BFSP2: variants seen among roughly 807,000 people sequenced by gnomAD.
BFSP2 encodes the protein phakinin.
A neutral mutation model predicts 44.9 loss-of-function variants in BFSP2; 38 were observed. The ratio of observed to expected loss-of-function variants is 0.85; its 90% CI spans 0.65 to 1.11. The LOEUF is 1.11. Ranked by LOEUF, BFSP2 falls within the 50% of genes least tolerant of loss-of-function variation. BFSP2 has a pLI of 0.00. For synonymous variants in BFSP2, 197 were observed against 209.9 expected (o/e 0.94, Z 0.53); for missense variants, 525 against 533.0 (o/e 0.99, Z 0.15).
intron 1 of BFSP2, among the ~76,000 whole-genome samples, chr3:133,443,272 G>C (rs142237131): frequency 3.3e-4 from 51 of 152,282 alleles, no homozygotes; most frequent in Non-Finnish European, 5.7e-4. Context: ...TGAGCAGAAA[G>C]TTCTGAGATA....
intron 6 of BFSP2, among the ~76,000 whole-genome samples, chr3:133,473,306 T>C (rs1355894087): frequency 6.6e-6 from 1 of 152,092 alleles, no homozygotes; most frequent in African/African-American, 2.4e-5. Flanking sequence ...GCTCTTTTCA[T>C]CTTTCTAACA....
At chr3:133,464,754 T>C (rs1447123953) in intron 4 of BFSP2, among the ~76,000 whole-genome samples, 1 of 152,190 alleles carries the variant, frequency 6.6e-6, no homozygotes, top group East Asian at 1.9e-4. Flanking sequence ...AGTCATTATA[T>C]GATAATGAGT....
At chr3:133,432,581 ATCT>A (rs1349732717) in intron 1 of BFSP2, among the ~76,000 whole-genome samples, 3 of 152,054 alleles carry the variant, frequency 2.0e-5, no homozygotes, top group Non-Finnish European at 4.4e-5. Context: ...TATATTGATG[ATCT>A]TCTTCTTTGT....
At chr3:133,423,518 A>T (rs2073613594) in intron 1 of BFSP2, among the ~76,000 whole-genome samples, 1 of 120,572 alleles carries the variant, frequency 8.3e-6, no homozygotes, top group South Asian at 2.9e-4. Flanking sequence ...TGCCCAGCCA[A>T]CTTTTCCGTA....
At position 133,435,161 on chromosome 3, in the gene BFSP2, G is replaced by A. The variant is rs574304785; in HGVS notation, c.490-12156G>A. Among the ~76,000 whole-genome samples the A allele has an allele frequency of 4.7e-4, 71 of 152,298 alleles. 1 individual carries two copies. Among genetic ancestry groups the A allele is most frequent in the African/African-American group, 1.7e-3 (70 of 41,546 alleles). ...CTAATGATTTTCTACTGAAACTCTT[G>A]CAAAATTGCCATTATTCAATAAGAG... On this transcript the variant is annotated intron_variant, in intron 1 of 6. Coordinates refer to ENST00000302334, the MANE Select transcript of BFSP2 (RefSeq NM_003571.4).
chr3:133,459,010 A>G (rs2074038139), intron 4 of BFSP2, among the ~76,000 whole-genome samples: 1 of 152,134 alleles, frequency 6.6e-6, no homozygotes, highest in African/African-American at 2.4e-5. Flanking sequence ...CTCAAAGCAT[A>G]CCTTAGATAT....
chr3:133,417,737 C>T (rs1214130664), intron 1 of BFSP2, among the ~76,000 whole-genome samples: 1 of 137,912 alleles, frequency 7.3e-6, no homozygotes, highest in East Asian at 2.4e-4. Context: ...TCTACTCACC[C>T]GTCCTCTCCC....
At chr3:133,425,789 GGAAGGGAAGGGAA>G (rs2073640590) in intron 1 of BFSP2, among the ~76,000 whole-genome samples, 1 of 136,422 alleles carries the variant, frequency 7.3e-6, no homozygotes, top group South Asian at 2.4e-4. Context: ...GAAAGGGAAG[GGAAGGGAAGGGAA>G]GAAGGGAAGG....
intron 1 of BFSP2, among the ~76,000 whole-genome samples, chr3:133,442,283 T>G (rs1201124488): frequency 6.6e-6 from 1 of 152,138 alleles, no homozygotes; most frequent in Non-Finnish European, 1.5e-5. Context: ...GGACTGTGGG[T>G]GCACATCATG....
intron 1 of BFSP2, among the ~76,000 whole-genome samples, chr3:133,430,727 G>A (rs1388017476): frequency 2.6e-5 from 4 of 151,658 alleles, no homozygotes; most frequent in Admixed American, 6.6e-5. Context: ...TTTCCCTCCC[G>A]CCTGTCCCCT....
chr3:133,452,246 T>A (rs749671530), intron 4 of BFSP2, among the ~76,000 whole-genome samples: 2 of 152,184 alleles, frequency 1.3e-5, no homozygotes, highest in South Asian at 2.1e-4. Context: ...CCCCCAAGTA[T>A]CAACAAGAAC....
At chr3:133,462,170 C>T (rs1481736213) in intron 4 of BFSP2, among the ~76,000 whole-genome samples, 1 of 152,200 alleles carries the variant, frequency 6.6e-6, no homozygotes, top group African/African-American at 2.4e-5. Flanking sequence ...CGCATTTAAC[C>T]TATAGTTTCC....
chr3:133,431,776 C>A (rs367964880), intron 1 of BFSP2, among the ~76,000 whole-genome samples: 20 of 152,232 alleles, frequency 1.3e-4, no homozygotes, highest in East Asian at 3.9e-4. Context: ...GTATTGACAG[C>A]CAGGCTTCTA....
intron 1 of BFSP2, among the ~76,000 whole-genome samples, chr3:133,425,223 G>A (rs529693010): frequency 3.9e-4 from 59 of 152,292 alleles, no homozygotes; most frequent in Non-Finnish European, 7.5e-4. Context: ...AGCACTATGG[G>A]AGTTCAAATA....
intron 1 of BFSP2, among the ~76,000 whole-genome samples, chr3:133,434,563 C>T (rs910155782): frequency 2.0e-5 from 3 of 152,146 alleles, no homozygotes; most frequent in African/African-American, 7.2e-5. Context: ...GCCAAGCCAT[C>T]GCAACCCCTG....
chr3:133,471,462 A>G (rs964374216), intron 5 of BFSP2, among the ~76,000 whole-genome samples: 1 of 152,224 alleles, frequency 6.6e-6, no homozygotes, highest in African/African-American at 2.4e-5. Flanking sequence ...CCGTTGAAGC[A>G]TAGACTAGGG....
At chr3:133,418,162 C>T (rs1430113313) in intron 1 of BFSP2, among the ~76,000 whole-genome samples, 1 of 152,010 alleles carries the variant, frequency 6.6e-6, no homozygotes, top group Non-Finnish European at 1.5e-5. Flanking sequence ...CTGTTCTCTC[C>T]CCTCTCTTCC....
rs767750167 is a variant in BFSP2, at chr3:133,448,556, G to A, written c.640G>A (p.Asp214Asn). ...AATTAACTCTCTGTATAAAGTCATT[G>A]ATGAGGCTAATTTGACTAAAATGGA... ...EEINSLYKVIDEANLTKMDLE... is the reference protein window; with the variant it reads ...EEINSLYKVINEANLTKMDLE... Residue 214 changes from aspartate (D) to asparagine (N), a missense_variant, in exon 3 of 7, where the codon GAT (aspartate) becomes AAT (asparagine). Physicochemically the swap from Asp to Asn is conservative, Grantham distance 23. Transcript: ENST00000302334. 1 of 1,614,098 alleles carries A rather than the reference G, an allele frequency of 6.2e-7. No homozygotes were observed. The highest frequency in any genetic ancestry group is 1.1e-5 in the South Asian group (1 of 91,068).
At chr3:133,447,640 T>C (rs763490911) in intron 2 of BFSP2, among the ~76,000 whole-genome samples, 40 of 152,150 alleles carry the variant, frequency 2.6e-4, no homozygotes, top group Non-Finnish European at 4.9e-4. Flanking sequence ...TCTGGAATGC[T>C]CAGAATCACC....
Sources: allele counts gnomAD v4.1 joint callset (sites outside exome capture counted in the v4.1 genomes callset), GRCh38; gene constraint gnomAD v4.1.1; transcripts MANE v1.5; gene names NCBI Gene and HGNC (gene_info 2026-07-23, HGNC 2026-07-21).